Variants in GPR141 observed in about 807,000 individuals in gnomAD.
GPR141 encodes G protein-coupled receptor 141.
Under a neutral mutation model 6.8 loss-of-function variants are expected in GPR141, and 6 were observed. That is an observed-to-expected ratio of 0.88 (90% CI 0.48 to 1.74). GPR141 has a LOEUF of 1.74. Ranked by LOEUF, GPR141 falls within the 40% of genes most tolerant of loss-of-function variation. The pLI is 0.01. For synonymous variants in GPR141, 140 were observed against 142.3 expected (o/e 0.98, Z 0.11); for missense variants, 372 against 372.9 (o/e 1.00, Z 0.02).
rs200285405 is a variant in GPR141 at position 37,743,173 on chromosome 7, CT to C, written c.*1871del. 3.3e-5 allele frequency among the ~76,000 whole-genome samples: 5 copies of C among 151,186 alleles called. No homozygotes were observed. Among genetic ancestry groups the C allele is most frequent in the African/African-American group, 9.7e-5 (4 of 41,152 alleles). ...AGAATAACAGAATGAATTAAGGGAA[CT>C]TTTTTTTTCATCAAGGTATATCTTC... is the stretch of plus-strand genomic sequence containing the variant. On this transcript the variant is annotated 3_prime_UTR_variant, in exon 3 of 3. Transcript: ENST00000334425.
At position 37,740,964 on chromosome 7, in the gene GPR141, GCCGTTGCTGTGATT is replaced by G. The variant is rs1304548420; in HGVS notation, c.573_586del (p.Ala193GlyfsTer48). 1.2e-6 allele frequency: 2 copies of G among 1,613,936 alleles called. No homozygotes were observed. The highest frequency in any genetic ancestry group is 4.5e-5 in the East Asian group (2 of 44,888). Reference sequence around the variant, plus strand: ...CTATATGATAGTCATTTTTGTCATAGCCGTTGCTGTGATTCTGTTGGTCTTCCAGGTCTTCATCA... The same window carrying G: ...CTATATGATAGTCATTTTTGTCATAGCTGTTGGTCTTCCAGGTCTTCATCA... On this transcript the variant is annotated frameshift_variant, in exon 3 of 3. Transcript: ENST00000334425. LOFTEE classifies it low-confidence loss of function (END_TRUNC).
Position 37,741,339 on chromosome 7 carries a change from TC to T in GPR141, c.*30del. 1 of 1,488,114 alleles carries T rather than the reference TC, an allele frequency of 6.7e-7. No homozygotes were observed. The highest frequency in any genetic ancestry group is 2.3e-5 in the East Asian group (1 of 43,974). The allele number at this position is 1,488,114 out of a possible 1,614,324, so 92.2% of individuals were successfully genotyped here. A position where few individuals can be genotyped will look rare whatever the true frequency, so the allele number is the denominator to read the frequency against. On this transcript the variant is annotated 3_prime_UTR_variant, in exon 3 of 3. Coordinates refer to ENST00000334425, the MANE Select transcript of GPR141 (RefSeq NM_001381946.1). ...ACAAACTACAGTATTCATATTTGCT[TC>T]CTTTATATTGGGAATAAAAATGGGT...
intron 2 of GPR141, among the ~76,000 whole-genome samples, chr7:37,714,715 A>G (rs1314618412): frequency 6.6e-6 from 1 of 152,200 alleles, no homozygotes; most frequent in Non-Finnish European, 1.5e-5. Flanking sequence ...TACTGTAAAG[A>G]TATGGTCCAA....
chr7:37,702,573 C>T (rs1171735579), intron 2 of GPR141, among the ~76,000 whole-genome samples: 3 of 151,682 alleles, frequency 2.0e-5, no homozygotes, highest in Non-Finnish European at 4.4e-5. Flanking sequence ...TATCTCGGAA[C>T]ACATAGACAG....
Position 37,741,291 on chromosome 7 carries a change from A to T in GPR141, c.898A>T (p.Asn300Tyr), listed in dbSNP as rs200611102. The change falls in exon 3 of 3, where the codon AAT (asparagine) becomes TAT (tyrosine). Residue 300 changes from asparagine to tyrosine, a missense_variant. Transcript: ENST00000334425. Reference sequence around the variant, plus strand: ...TAAGCAAAAGATAATTGGCTTATGGAATTGTGTTTTGTGCCGTTAGCCACA... The same window carrying T: ...TAAGCAAAAGATAATTGGCTTATGGTATTGTGTTTTGTGCCGTTAGCCACA... ...WFKQKIIGLW[N>Y]CVLCR The T allele has an allele frequency of 2.5e-6, 4 of 1,591,374 alleles. No homozygotes were observed. The South Asian group carries it at 4.5e-5, about 18-fold the overall frequency.
At chr7:37,702,817 AT>A (rs1279440681) in intron 2 of GPR141, among the ~76,000 whole-genome samples, 1 of 149,310 alleles carries the variant, frequency 6.7e-6, no homozygotes, top group Non-Finnish European at 1.5e-5. Context: ...AAAAAAAAAA[AT>A]AAATAAAATA....
At chr7:37,724,098 C>G (rs1158625975) in intron 2 of GPR141, among the ~76,000 whole-genome samples, 2 of 152,160 alleles carry the variant, frequency 1.3e-5, no homozygotes, top group Non-Finnish European at 2.9e-5. Context: ...CTCTGAGTTT[C>G]AGCTCCCACT....
intron 2 of GPR141, among the ~76,000 whole-genome samples, chr7:37,719,883 C>G (rs1377756477): frequency 6.6e-6 from 1 of 152,042 alleles, no homozygotes; most frequent in African/African-American, 2.4e-5. Flanking sequence ...GAGCTTGAAT[C>G]CTTCCAGAGA....
At chr7:37,734,408 A>G (rs1348478206) in intron 2 of GPR141, among the ~76,000 whole-genome samples, 1 of 152,246 alleles carries the variant, frequency 6.6e-6, no homozygotes, top group African/African-American at 2.4e-5. Flanking sequence ...CATGTTATGA[A>G]TATTTAATTA....
intron 2 of GPR141, among the ~76,000 whole-genome samples, chr7:37,694,295 G>T (rs1809919195): frequency 6.6e-6 from 1 of 152,220 alleles, no homozygotes; most frequent in South Asian, 2.1e-4. Flanking sequence ...CTCTGCCGGG[G>T]CACTGTTTAC....
In GPR141 at chr7:37,698,874, A is replaced by C. The variant is rs539594506; in HGVS notation, c.-15+13291A>C. Among the ~76,000 whole-genome samples the C allele has an allele frequency of 6.6e-5, 10 of 152,316 alleles. No individual in the cohort carries two copies. In the East Asian group the frequency reaches 1.9e-3, roughly 29 times the overall value. On this transcript the variant is annotated intron_variant, in intron 2 of 2. Coordinates refer to ENST00000334425, the MANE Select transcript of GPR141 (RefSeq NM_001381946.1). ...AGGTGAAGAAGTGTTGAGACACTGA[A>C]TATTTGTTGAGCAGTTTCTGTATCC...
At chr7:37,691,022 G>C (rs1809735022) in intron 2 of GPR141, among the ~76,000 whole-genome samples, 1 of 152,036 alleles carries the variant, frequency 6.6e-6, no homozygotes, top group Non-Finnish European at 1.5e-5. Context: ...TTTGCAATTG[G>C]TGTGTTCTCT....
chr7:37,713,589 AT>A (rs956449439), intron 2 of GPR141: 9 of 152,164 alleles, frequency 5.9e-5, no homozygotes, highest in African/African-American at 2.2e-4. Context: ...TGTGTTCCTC[AT>A]GCTTCCAAAG....
intron 2 of GPR141, among the ~76,000 whole-genome samples, chr7:37,701,744 G>A (rs1810285645): frequency 1.3e-5 from 2 of 152,164 alleles, no homozygotes; most frequent in Non-Finnish European, 2.9e-5. Flanking sequence ...CCACACATAA[G>A]CCTTTAGAAA....
At chr7:37,723,223 C>A (rs1007874225) in intron 2 of GPR141, among the ~76,000 whole-genome samples, 1 of 151,974 alleles carries the variant, frequency 6.6e-6, no homozygotes, top group African/African-American at 2.4e-5. Flanking sequence ...GAGCTCCTAA[C>A]CTCAGGTGAT....
rs540871227 is a variant in GPR141, at chr7:37,722,280, A to G, written c.-14-18100A>G. ...GGAGACATCCACTTGATGAGATGTT[A>G]TACGGTCGTATAAAAGTGCACGGAA... On this transcript the variant is annotated intron_variant, in intron 2 of 2. Coordinates refer to ENST00000334425, the MANE Select transcript of GPR141 (RefSeq NM_001381946.1). 2.0e-5 allele frequency among the ~76,000 whole-genome samples: 3 copies of G among 152,342 alleles called. No homozygotes were observed. The East Asian group carries it at 5.8e-4, about 29-fold the overall frequency.
chr7:37,697,100 A>G (rs1244997941), intron 2 of GPR141, among the ~76,000 whole-genome samples: 1 of 152,216 alleles, frequency 6.6e-6, no homozygotes, highest in Admixed American at 6.5e-5. Flanking sequence ...TGCCAAGATC[A>G]GAAGACTTTC....
chr7:37,704,671 C>T (rs1193653652), intron 2 of GPR141, among the ~76,000 whole-genome samples: 1 of 152,148 alleles, frequency 6.6e-6, no homozygotes, highest in South Asian at 2.1e-4. Context: ...TCTGACTTTA[C>T]ACCTTATATG....
At chr7:37,696,028 T>C (rs1809999670) in intron 2 of GPR141, among the ~76,000 whole-genome samples, 1 of 152,360 alleles carries the variant, frequency 6.6e-6, no homozygotes, top group Admixed American at 6.5e-5. Context: ...GTTACCCATA[T>C]ACCTTGGCCT....
Sources: allele counts gnomAD v4.1 joint callset (sites outside exome capture counted in the v4.1 genomes callset), GRCh38; gene constraint gnomAD v4.1.1; transcripts MANE v1.5; gene names NCBI Gene and HGNC (gene_info 2026-07-23, HGNC 2026-07-21).